The following CSMD1 variants were observed in gnomAD, a reference collection of about 807,000 sequenced individuals.
The protein encoded by CSMD1 is CUB and sushi domain-containing protein 1.
Under a neutral mutation model 417.5 loss-of-function variants are expected in CSMD1, and 213 were observed. That is an observed-to-expected ratio of 0.51 (90% CI 0.46 to 0.57). The LOEUF (loss-of-function observed/expected upper bound fraction) is 0.57, where lower values mean the gene tolerates loss of function less well. CSMD1 is among the 20% of genes least tolerant of loss of function. CSMD1 has a pLI of 0.00. For missense variants in CSMD1, 6,923 were observed against 4,529.7 expected (o/e 1.53, Z -15.17); for synonymous variants, 2,862 against 1,736.8 (o/e 1.65, Z -16.11).
intron 10 of CSMD1, among the ~76,000 whole-genome samples, chr8:3,498,673 T>C (rs1312191977): frequency 1.3e-5 from 2 of 152,230 alleles, no homozygotes; most frequent in African/African-American, 4.8e-5. Context: ...ACACATTTTG[T>C]AGGCATTCCT....
At chr8:4,936,082 T>C (rs144160284) in intron 1 of CSMD1, among the ~76,000 whole-genome samples, 190 of 152,346 alleles carry the variant, frequency 1.2e-3, no homozygotes, top group African/African-American at 4.4e-3. Flanking sequence ...GAAATCATCA[T>C]AGGCAAGGAG....
intron 3 of CSMD1, among the ~76,000 whole-genome samples, chr8:4,173,817 A>C (rs1278109074): frequency 2.0e-5 from 3 of 152,168 alleles, no homozygotes; most frequent in Non-Finnish European, 4.4e-5. Context: ...TTGAGGAACA[A>C]TCTGATCAGG....
At chr8:4,782,507 G>C (rs761131240) in intron 1 of CSMD1, among the ~76,000 whole-genome samples, 3 of 152,044 alleles carry the variant, frequency 2.0e-5, no homozygotes, top group Non-Finnish European at 4.4e-5. Flanking sequence ...TGTAGATTTT[G>C]GTCTATCCAT....
intron 3 of CSMD1, among the ~76,000 whole-genome samples, chr8:4,252,717 G>T (rs73498596): frequency 6.6e-6 from 1 of 152,214 alleles, no homozygotes; most frequent in East Asian, 1.9e-4. Context: ...TGGTTGTATT[G>T]GTTGTACAGG....
chr8:4,036,683 G>T (rs987312067), intron 3 of CSMD1, among the ~76,000 whole-genome samples: 1 of 152,206 alleles, frequency 6.6e-6, no homozygotes, highest in Non-Finnish European at 1.5e-5. Context: ...TCATGAAATT[G>T]CATTTCTCAT....
At chr8:3,866,001 A>C (rs1265347582) in intron 5 of CSMD1, among the ~76,000 whole-genome samples, 1 of 152,218 alleles carries the variant, frequency 6.6e-6, no homozygotes, top group Non-Finnish European at 1.5e-5. Context: ...ATCTGTAGTC[A>C]TGTTAGTGAG....
At chr8:3,260,213 A>G (rs1321242986) in intron 26 of CSMD1, among the ~76,000 whole-genome samples, 1 of 151,904 alleles carries the variant, frequency 6.6e-6, no homozygotes, top group African/African-American at 2.4e-5. Flanking sequence ...CCTGAATTGA[A>G]CTCTTTATGC....
intron 38 of CSMD1, among the ~76,000 whole-genome samples, chr8:3,159,916 C>A (rs921864675): frequency 2.0e-5 from 3 of 152,272 alleles, no homozygotes; most frequent in South Asian, 4.1e-4. Context: ...TCTGCAAAGT[C>A]TCACCATCAG....
intron 1 of CSMD1, among the ~76,000 whole-genome samples, chr8:4,722,590 T>A (rs556466806): frequency 6.6e-6 from 1 of 152,124 alleles, no homozygotes; most frequent in South Asian, 2.1e-4. Flanking sequence ...GTGTTCCTTC[T>A]TGGAGGAGCC....
chr8:4,031,829 A>G (rs1418035079), intron 4 of CSMD1, 76 bp downstream of exon 4: 9 of 1,139,598 alleles, frequency 7.9e-6, no homozygotes, highest in Non-Finnish European at 9.6e-6. Flanking sequence ...ATTTAAGTGG[A>G]AACTTTCATA....
At chr8:3,819,722 G>A (rs1455398139) in intron 5 of CSMD1, among the ~76,000 whole-genome samples, 1 of 152,070 alleles carries the variant, frequency 6.6e-6, no homozygotes, top group Non-Finnish European at 1.5e-5. Context: ...GGGGAACTGG[G>A]ACCACAGGCA....
At chr8:4,708,718 T>G (rs565284560) in intron 1 of CSMD1, among the ~76,000 whole-genome samples, 95 of 152,274 alleles carry the variant, frequency 6.2e-4, no homozygotes, top group African/African-American at 2.2e-3. Context: ...GGCGGTGGAA[T>G]TGTGACCCCC....
At chr8:3,706,237 C>G (rs1801162440) in intron 7 of CSMD1, among the ~76,000 whole-genome samples, 1 of 152,258 alleles carries the variant, frequency 6.6e-6, no homozygotes, top group Non-Finnish European at 1.5e-5. Context: ...AGTGACAACC[C>G]TATGGAAAGG....
intron 10 of CSMD1, among the ~76,000 whole-genome samples, chr8:3,518,423 C>G (rs944395141): frequency 6.6e-6 from 1 of 152,106 alleles, no homozygotes; most frequent in Non-Finnish European, 1.5e-5. Context: ...GACGGAGACA[C>G]ACAAAAATCT....
intron 1 of CSMD1, among the ~76,000 whole-genome samples, chr8:4,817,244 A>AT (rs1394601164): frequency 1.2e-4 from 18 of 152,308 alleles, no homozygotes; most frequent in African/African-American, 4.3e-4. Context: ...GTTAGTGAAA[A>AT]AATATGAAGA....
At chr8:3,097,381 G>C (rs1654820374) in intron 46 of CSMD1, among the ~76,000 whole-genome samples, 1 of 152,130 alleles carries the variant, frequency 6.6e-6, no homozygotes, top group African/African-American at 2.4e-5. Context: ...TTTCAAAAGA[G>C]TATTACAGAA....
chr8:3,967,800 T>C (rs1311638113), intron 5 of CSMD1, among the ~76,000 whole-genome samples: 1 of 151,920 alleles, frequency 6.6e-6, no homozygotes, highest in East Asian at 1.9e-4. Context: ...ACATATCCAA[T>C]TTGCTTGAGA....
At chr8:4,648,219 G>C (rs1169855759) in intron 1 of CSMD1, among the ~76,000 whole-genome samples, 2 of 152,164 alleles carry the variant, frequency 1.3e-5, no homozygotes, top group African/African-American at 4.8e-5. Context: ...GTCTTCTTTT[G>C]AGAAGTGTCT....
At position 3,214,668 on chromosome 8, in the gene CSMD1, CA is replaced by C; in HGVS notation, c.4695del (p.Phe1565LeufsTer6). The stretch of plus-strand genomic sequence containing the variant: ...GTCCCATTCATTATATTTCCTGGGT[CA>C]AAACAAGCTTCCCGTGGTTTCTCTG... ...EFKEKPREAC[F>X]DPGNIMNGTR... is the part of the protein sequence containing the mutation. On this transcript the variant is annotated frameshift_variant, in exon 30 of 70. Transcript: ENST00000635120. LOFTEE classifies it high-confidence loss of function. 1 of 1,550,946 alleles carries C rather than the reference CA, an allele frequency of 6.4e-7. No homozygotes were observed. Among genetic ancestry groups the C allele is most frequent in the Non-Finnish European group, 8.7e-7 (1 of 1,146,696 alleles).
Sources: allele counts gnomAD v4.1 joint callset (sites outside exome capture counted in the v4.1 genomes callset), GRCh38; gene constraint gnomAD v4.1.1; transcripts MANE v1.5; gene names NCBI Gene and HGNC (gene_info 2026-07-23, HGNC 2026-07-21).